Variants in PDE11A observed in about 807,000 individuals in gnomAD.
PDE11A encodes dual 3',5'-cyclic-AMP and -GMP phosphodiesterase 11A.
A neutral mutation model predicts 100.5 loss-of-function variants in PDE11A; 100 were observed. The observed-to-expected ratio is 1.00, with a 90% CI of 0.85 to 1.18. PDE11A has a LOEUF of 1.18. Ranked by LOEUF, PDE11A falls within the 50% of genes most tolerant of loss-of-function variation. PDE11A has a pLI of 0.00. For missense variants in PDE11A, 1,141 were observed against 1,152.6 expected (o/e 0.99, Z 0.15); for synonymous variants, 381 against 420.8 (o/e 0.91, Z 1.16).
intron 2 of PDE11A, chr2:177,922,074 T>G (rs1474099528): frequency 6.6e-6 from 1 of 152,240 alleles, no homozygotes. Context: ...TTTTCCCATC[T>G]GACTTACTTT....
chr2:177,856,793 C>T (rs1574222040), intron 5 of PDE11A, among the ~76,000 whole-genome samples: 1 of 151,904 alleles, frequency 6.6e-6, no homozygotes, highest in East Asian at 1.9e-4. Context: ...AACAAAGTCT[C>T]AGTAACATGT....
chr2:178,033,699 C>A (rs1559048827), intron 1 of PDE11A, among the ~76,000 whole-genome samples: 1 of 152,020 alleles, frequency 6.6e-6, no homozygotes, highest in Non-Finnish European at 1.5e-5. Flanking sequence ...AACAGTGGAT[C>A]TCTCTGCAGA....
chr2:177,936,355 C>T (rs1365385538), intron 2 of PDE11A, among the ~76,000 whole-genome samples: 1 of 152,142 alleles, frequency 6.6e-6, no homozygotes, highest in Non-Finnish European at 1.5e-5. Context: ...CTGCGAGTGA[C>T]ACCAGATCTA....
At position 178,016,131 on chromosome 2, in the gene PDE11A, ATTTTTT is replaced by A. The variant is rs55638601; in HGVS notation, c.913-1677_913-1672del. 8.4e-5 allele frequency among the ~76,000 whole-genome samples: 7 copies of A among 83,744 alleles called. No individual in the cohort carries two copies. The South Asian group carries it at 2.9e-3, about 35-fold the overall frequency. The allele number at this position is 83,744 out of a possible 152,430, so 54.9% of individuals were successfully genotyped here. A position where few individuals can be genotyped will look rare whatever the true frequency, so the allele number is the denominator to read the frequency against. ...AGATGCAAGCCATCATGCCTGGCTA[ATTTTTT>A]TTTTTTTTTTTTTTTTTTGCATTTT... is the stretch of plus-strand genomic sequence containing the variant. On this transcript the variant is annotated intron_variant, in intron 1 of 19. Transcript: ENST00000286063.
intron 10 of PDE11A, among the ~76,000 whole-genome samples, chr2:177,759,972 CAAG>C: frequency 6.6e-6 from 1 of 152,252 alleles, no homozygotes; most frequent in Non-Finnish European, 1.5e-5. Flanking sequence ...ACCAAGATTT[CAAG>C]AATAATAGCT....
intron 2 of PDE11A, among the ~76,000 whole-genome samples, chr2:178,103,786 T>C (rs188090114): frequency 1.3e-5 from 2 of 152,044 alleles, no homozygotes; most frequent in Non-Finnish European, 2.9e-5. Context: ...GATGTACACA[T>C]ATAAATCTCC....
At chr2:178,017,596 G>A (rs2086354242) in intron 1 of PDE11A, among the ~76,000 whole-genome samples, 1 of 152,288 alleles carries the variant, frequency 6.6e-6, no homozygotes, top group Admixed American at 6.5e-5. Context: ...GGAGAGGAAG[G>A]AAGGAAGTGG....
At chr2:177,749,454 C>A (rs2081998359) in intron 10 of PDE11A, among the ~76,000 whole-genome samples, 2 of 152,090 alleles carry the variant, frequency 1.3e-5, no homozygotes, top group Non-Finnish European at 2.9e-5. Flanking sequence ...CAGAGGTTAA[C>A]AAACATTAGA....
At chr2:178,091,230 A>T (rs1416563569) in intron 2 of PDE11A, among the ~76,000 whole-genome samples, 1 of 151,862 alleles carries the variant, frequency 6.6e-6, no homozygotes, top group African/African-American at 2.4e-5. Flanking sequence ...ACCATCATGG[A>T]CACCTAATTT....
chr2:178,098,295 A>G (rs529925070), intron 2 of PDE11A, among the ~76,000 whole-genome samples: 2 of 152,208 alleles, frequency 1.3e-5, no homozygotes, highest in Admixed American at 1.3e-4. Flanking sequence ...TGAATAGAAA[A>G]CCATCCACTA....
chr2:177,905,470 T>C (rs2084772155), intron 2 of PDE11A, among the ~76,000 whole-genome samples: 1 of 152,230 alleles, frequency 6.6e-6, no homozygotes, highest in Non-Finnish European at 1.5e-5. Context: ...AGGAACTGTG[T>C]CTAAAGCAGC....
intron 2 of PDE11A, among the ~76,000 whole-genome samples, chr2:178,099,294 C>T (rs984679270): frequency 1.3e-5 from 2 of 151,754 alleles, no homozygotes; most frequent in African/African-American, 2.4e-5. Context: ...AAAAATTAGC[C>T]GCATGTGGTG....
intron 2 of PDE11A, among the ~76,000 whole-genome samples, chr2:178,077,964 T>C (rs2087228959): frequency 6.6e-6 from 1 of 152,154 alleles, no homozygotes; most frequent in African/African-American, 2.4e-5. Flanking sequence ...TGCCTTGATT[T>C]TGGAGTTCTG....
intron 9 of PDE11A, among the ~76,000 whole-genome samples, chr2:177,812,577 A>T (rs2082964919): frequency 6.6e-6 from 1 of 152,130 alleles, no homozygotes; most frequent in African/African-American, 2.4e-5. Flanking sequence ...CAACTTGTTC[A>T]AGCAGGCAGA....
chr2:177,998,073 C>A (rs559148633), intron 2 of PDE11A: 46 of 1,309,142 alleles, frequency 3.5e-5, no homozygotes, highest in Non-Finnish European at 4.9e-5. Context: ...TGCCCACACA[C>A]TCAGGATCTG....
chr2:178,082,509 A>G (rs1487892007), intron 2 of PDE11A, among the ~76,000 whole-genome samples: 1 of 152,206 alleles, frequency 6.6e-6, no homozygotes, highest in African/African-American at 2.4e-5. Flanking sequence ...CATAGTCTCC[A>G]GTCAGAAGCT....
chr2:178,027,375 A>G (rs926353000), intron 1 of PDE11A, among the ~76,000 whole-genome samples: 9 of 152,174 alleles, frequency 5.9e-5, no homozygotes, highest in Non-Finnish European at 1.3e-4. Flanking sequence ...AAATTAGCAT[A>G]ATTTCCTAAG....
At chr2:178,023,878 G>C (rs1459270037) in intron 1 of PDE11A, among the ~76,000 whole-genome samples, 1 of 152,124 alleles carries the variant, frequency 6.6e-6, no homozygotes, top group Non-Finnish European at 1.5e-5. Context: ...GGTGAAATAA[G>C]ATATGCATGT....
intron 7 of PDE11A, among the ~76,000 whole-genome samples, chr2:177,819,706 T>G (rs1292027835): frequency 4.6e-5 from 7 of 152,022 alleles, no homozygotes; most frequent in Non-Finnish European, 7.4e-5. Context: ...AGAATGTTAT[T>G]TCTTCCTTTG....
Sources: gnomAD v4.1 joint callset for allele counts (sites outside exome capture counted in the v4.1 genomes callset) on GRCh38, gnomAD v4.1.1 for gene constraint, MANE v1.5 for transcripts, NCBI Gene and HGNC (gene_info 2026-07-23, HGNC 2026-07-21) for gene names.